Variants in DNAH11 observed in about 807,000 individuals in gnomAD.
DNAH11 encodes dynein axonemal heavy chain 11.
In DNAH11, 442 loss-of-function variants were observed where a neutral mutation model predicts 526.0. The ratio of observed to expected loss-of-function variants is 0.84; its 90% confidence interval spans 0.78 to 0.91. The LOEUF (loss-of-function observed/expected upper bound fraction) is 0.91, where lower values mean the gene tolerates loss of function less well. Ranked by LOEUF, DNAH11 falls within the 40% of genes least tolerant of loss-of-function variation. DNAH11 has a pLI of 0.00. For synonymous variants in DNAH11, 2,461 were observed against 1,935.9 expected, an observed-to-expected ratio of 1.27 and a Z score of -7.12; for missense variants, 6,989 against 5,448.7, an observed-to-expected ratio of 1.28 and a Z score of -8.90.
rs1784480555 is a variant in DNAH11, at chr7:21,711,970, A to G, written c.6983+110A>G. ...ATGTTGTTGCACAGCTGTCACCACCATCCATCTCTGGAAGGATTTTATCTT... is the reference window on the plus strand; with the variant it reads ...ATGTTGTTGCACAGCTGTCACCACCGTCCATCTCTGGAAGGATTTTATCTT... On this transcript the variant is annotated intron_variant, in intron 42 of 81. Transcript: ENST00000409508. 3.9e-6 allele frequency: 5 copies of G among 1,275,306 alleles called. No individual in the cohort carries two copies. The East Asian group carries it at 1.3e-4, about 32-fold the overall frequency. 79.0% of individuals were successfully genotyped at this position (1,275,306 alleles called of 1,614,324 possible). A position where few individuals can be genotyped will look rare whatever the true frequency, so the allele number is the denominator to read the frequency against.
At chr7:21,780,354 G>A (rs1787886915) in intron 57 of DNAH11, among the ~76,000 whole-genome samples, 1 of 152,032 alleles carries the variant, frequency 6.6e-6, no homozygotes, top group Non-Finnish European at 1.5e-5. Flanking sequence ...AGACCTGCCT[G>A]GACAACATAA....
At chr7:21,739,885 T>C (rs1288960297) in intron 48 of DNAH11, among the ~76,000 whole-genome samples, 1 of 152,158 alleles carries the variant, frequency 6.6e-6, no homozygotes, top group Non-Finnish European at 1.5e-5. Flanking sequence ...TATAGCAAAA[T>C]CAACTGGCAG....
intron 9 of DNAH11, among the ~76,000 whole-genome samples, chr7:21,587,814 C>T (rs1352598360): frequency 2.0e-5 from 3 of 152,032 alleles, no homozygotes; most frequent in African/African-American, 2.4e-5. Context: ...TAGCTGTGAA[C>T]GGAAATTGCA....
chr7:21,823,309 C>T (rs1352785966), intron 65 of DNAH11, among the ~76,000 whole-genome samples: 3 of 152,108 alleles, frequency 2.0e-5, no homozygotes, highest in East Asian at 3.9e-4. Flanking sequence ...CATTTGTTTC[C>T]CCATCAATGT....
chr7:21,548,461 A>G (rs1387667673), intron 2 of DNAH11, among the ~76,000 whole-genome samples: 2 of 152,204 alleles, frequency 1.3e-5, no homozygotes, highest in African/African-American at 2.4e-5. Context: ...CCTTAAATTT[A>G]TTAGGCATCC....
chr7:21,805,247 C>T (rs1328515758), intron 62 of DNAH11, among the ~76,000 whole-genome samples: 1 of 152,166 alleles, frequency 6.6e-6, no homozygotes, highest in Non-Finnish European at 1.5e-5. Context: ...GCATTTATTG[C>T]ATGAACGTAG....
intron 44 of DNAH11, among the ~76,000 whole-genome samples, chr7:21,723,737 C>G (rs979484179): frequency 1.3e-5 from 2 of 151,220 alleles, no homozygotes; most frequent in Admixed American, 1.3e-4. Context: ...CCCACTCCCC[C>G]ACTCCCCCAC....
chr7:21,564,039 T>TCTCGG, intron 5 of DNAH11, 147 bp from the exon 6 acceptor site: 1 of 579,252 alleles, frequency 1.7e-6, no homozygotes, highest in South Asian at 3.1e-5. Flanking sequence ...CGTGTGTAGA[T>TCTCGG]TGTAGGATAA....
chr7:21,699,081 C>T (rs1216024897), intron 36 of DNAH11, among the ~76,000 whole-genome samples: 1 of 152,040 alleles, frequency 6.6e-6, no homozygotes, highest in Non-Finnish European at 1.5e-5. Context: ...TGTTGCCTCC[C>T]TTTCTTCGTG....
chr7:21,758,156 A>G (rs1022192900), intron 54 of DNAH11, among the ~76,000 whole-genome samples: 5 of 152,206 alleles, frequency 3.3e-5, no homozygotes, highest in East Asian at 1.9e-4. Flanking sequence ...GTAAGTCTCT[A>G]TGCTGCCAAC....
intron 30 of DNAH11, among the ~76,000 whole-genome samples, chr7:21,676,910 G>A (rs1782914233): frequency 1.3e-5 from 2 of 152,252 alleles, no homozygotes; most frequent in East Asian, 1.9e-4. Context: ...ACTTGCATAG[G>A]TATGGGTTGT....
intron 45 of DNAH11, among the ~76,000 whole-genome samples, chr7:21,732,471 T>C (rs2965366): frequency 0.75 from 113,975 of 152,002 alleles, 44,267 homozygotes; most frequent in Non-Finnish European, 0.86. Flanking sequence ...GGGGACACAA[T>C]ATTATCAGCC....
chr7:21,893,415 T>A (rs1039211211), intron 77 of DNAH11, among the ~76,000 whole-genome samples: 1 of 152,254 alleles, frequency 6.6e-6, no homozygotes, highest in Admixed American at 6.5e-5. Flanking sequence ...GAGCATCTTT[T>A]CACATGCTTA....
chr7:21,805,842 A>G (rs951372844), intron 62 of DNAH11, among the ~76,000 whole-genome samples: 5 of 152,206 alleles, frequency 3.3e-5, no homozygotes, highest in African/African-American at 1.2e-4. Context: ...TTTTTCTTTC[A>G]GGATAAATTC....
chr7:21,600,770 A>G lies in DNAH11; in HGVS notation c.3095A>G (p.Asn1032Ser), dbSNP rs1583517157. The G allele has an allele frequency of 6.2e-7, 1 of 1,613,800 alleles. No individual in the cohort carries two copies. Among genetic ancestry groups the G allele is most frequent in the Non-Finnish European group, 8.5e-7 (1 of 1,179,820 alleles). ...NVINKVLDFR[N>S]TLETHTYLWV... ...ATCAACAAAGTCTTAGATTTCAGAA[A>G]CACCCTGGAGACCCACACTTACCTC... The change falls in exon 16 of 82, where the codon AAC becomes AGC. Residue 1032 changes from asparagine to serine, a missense_variant. Transcript: ENST00000409508.
chr7:21,646,276 C>T (rs1026736871), intron 28 of DNAH11, among the ~76,000 whole-genome samples: 1 of 152,166 alleles, frequency 6.6e-6, no homozygotes, highest in Non-Finnish European at 1.5e-5. Flanking sequence ...GATTTACCTT[C>T]TTGCCTGAAA....
At chr7:21,750,723 TG>T (rs758336434) in intron 54 of DNAH11, among the ~76,000 whole-genome samples, 4 of 152,182 alleles carry the variant, frequency 2.6e-5, no homozygotes, top group Non-Finnish European at 5.9e-5. Context: ...TCACTGGAGC[TG>T]GTCATCCTGG....
chr7:21,848,670 A>G lies in DNAH11; in HGVS notation c.10897-3797A>G, dbSNP rs1216098111. 2.0e-5 allele frequency among the ~76,000 whole-genome samples: 3 copies of G among 152,146 alleles called. No individual in the cohort carries two copies. The East Asian group carries it at 5.8e-4, about 29-fold the overall frequency. On this transcript the variant is annotated intron_variant, in intron 66 of 81. Transcript: ENST00000409508. ...AGCTGTAATATTTATATATTACAAC[A>G]TGATGTATGTATTTTGTATTTGTAA...
chr7:21,593,894 C>A (rs540952638), intron 14 of DNAH11, among the ~76,000 whole-genome samples: 1 of 151,846 alleles, frequency 6.6e-6, no homozygotes. Context: ...CCCTGCTCCC[C>A]CCAGACACAA....
Sources: gnomAD v4.1 joint callset for allele counts (sites outside exome capture counted in the v4.1 genomes callset) on GRCh38, gnomAD v4.1.1 for gene constraint, MANE v1.5 for transcripts, NCBI Gene and HGNC (gene_info 2026-07-23, HGNC 2026-07-21) for gene names.